Variants in CDH18 observed in about 807,000 individuals in gnomAD.
The protein encoded by CDH18 is cadherin 18.
A neutral mutation model predicts 67.9 loss-of-function variants in CDH18; 31 were observed. The observed-to-expected ratio is 0.46, with a 90% CI of 0.34 to 0.62. The LOEUF is 0.62. Ranked by LOEUF, CDH18 falls within the 20% of genes least tolerant of loss-of-function variation. The pLI is 0.01. For synonymous variants in CDH18, 362 were observed against 347.2 expected, an observed-to-expected ratio of 1.04 and a Z score of -0.48; for missense variants, 890 against 975.5, an observed-to-expected ratio of 0.91 and a Z score of 1.17.
chr5:19,957,116 C>G (rs937117839), intron 2 of CDH18, among the ~76,000 whole-genome samples: 1 of 151,846 alleles, frequency 6.6e-6, no homozygotes, highest in African/African-American at 2.4e-5. Context: ...GTATGTTTCA[C>G]GTCCCATAGA....
At chr5:20,559,688 G>T (rs1462338330) in intron 1 of CDH18, among the ~76,000 whole-genome samples, 2 of 151,956 alleles carry the variant, frequency 1.3e-5, no homozygotes, top group Non-Finnish European at 2.9e-5. Flanking sequence ...GAAATGTGAA[G>T]AATATTGAAG....
intron 8 of CDH18, among the ~76,000 whole-genome samples, chr5:19,553,266 T>G (rs1737786901): frequency 6.6e-6 from 1 of 152,144 alleles, no homozygotes; most frequent in Non-Finnish European, 1.5e-5. Flanking sequence ...GGCACTTATT[T>G]TCATTATATT....
intron 5 of CDH18, among the ~76,000 whole-genome samples, chr5:19,699,648 G>C (rs941457415): frequency 7.3e-5 from 11 of 149,804 alleles, no homozygotes; most frequent in Admixed American, 2.0e-4. Flanking sequence ...GTGTCTGTGT[G>C]TGTGTGTGTG....
intron 2 of CDH18, among the ~76,000 whole-genome samples, chr5:20,095,969 T>TA (rs776951457): frequency 2.0e-5 from 3 of 151,080 alleles, no homozygotes; most frequent in Admixed American, 6.6e-5. Context: ...ATATTCAGAC[T>TA]AAAAAAAAGG....
Position 19,700,514 on chromosome 5 carries a change from A to T in CDH18, c.643+20833T>A, listed in dbSNP as rs991119174. 2.6e-5 allele frequency among the ~76,000 whole-genome samples: 4 copies of T among 152,116 alleles called. No individual in the cohort carries two copies. In the East Asian group the frequency reaches 7.7e-4, roughly 29 times the overall value. The stretch of plus-strand genomic sequence containing the variant: ...TTTTGTTTAAGTTATTTAAATGGTT[A>T]TTACCTTTTCCTTTAATTTCTGGGG... On this transcript the variant is annotated intron_variant, in intron 5 of 12. Coordinates refer to ENST00000382275, the MANE Select transcript of CDH18 (RefSeq NM_004934.5).
intron 2 of CDH18, among the ~76,000 whole-genome samples, chr5:20,250,271 A>C (rs1319841754): frequency 4.1e-5 from 5 of 121,494 alleles, no homozygotes; most frequent in Non-Finnish European, 8.6e-5. Context: ...TTGGAGTCTG[A>C]CAATTTTATT....
chr5:19,794,325 CAATT>C (rs577539642), intron 3 of CDH18, among the ~76,000 whole-genome samples: 10 of 152,074 alleles, frequency 6.6e-5, no homozygotes, highest in Non-Finnish European at 1.3e-4. Context: ...TCCATACAAT[CAATT>C]GAGAGACCAA....
At chr5:19,658,656 C>A (rs1756738011) in intron 5 of CDH18, among the ~76,000 whole-genome samples, 1 of 145,368 alleles carries the variant, frequency 6.9e-6, no homozygotes, top group Admixed American at 6.9e-5. Flanking sequence ...TTCTTTTTTT[C>A]TTTTTTTTTT....
At chr5:20,545,123 A>C (rs912371182) in intron 1 of CDH18, among the ~76,000 whole-genome samples, 1 of 152,212 alleles carries the variant, frequency 6.6e-6, no homozygotes, top group Non-Finnish European at 1.5e-5. Flanking sequence ...CATGTCTCAC[A>C]TCCAGGAAAT....
At chr5:20,174,135 C>A (rs1222272144) in intron 2 of CDH18, among the ~76,000 whole-genome samples, 2 of 152,140 alleles carry the variant, frequency 1.3e-5, no homozygotes. Flanking sequence ...GAACTCCTAT[C>A]TGTTCTTTTT....
chr5:19,849,823 C>T (rs1017066853), intron 2 of CDH18, among the ~76,000 whole-genome samples: 8 of 150,192 alleles, frequency 5.3e-5, no homozygotes, highest in Non-Finnish European at 8.9e-5. Flanking sequence ...CACACAGAGG[C>T]ACTCTATATT....
chr5:20,571,612 G>A (rs751942162), intron 1 of CDH18, among the ~76,000 whole-genome samples: 1 of 151,974 alleles, frequency 6.6e-6, no homozygotes, highest in Non-Finnish European at 1.5e-5. Flanking sequence ...CAATTATCAA[G>A]GTATGTAAAT....
chr5:20,360,281 G>A (rs1198134397), intron 1 of CDH18, among the ~76,000 whole-genome samples: 1 of 151,948 alleles, frequency 6.6e-6, no homozygotes, highest in East Asian at 1.9e-4. Flanking sequence ...TAGCTAAGTT[G>A]CTTCTCTAAA....
At chr5:20,360,874 A>G (rs1385475740) in intron 1 of CDH18, among the ~76,000 whole-genome samples, 2 of 152,052 alleles carry the variant, frequency 1.3e-5, no homozygotes, top group Non-Finnish European at 2.9e-5. Flanking sequence ...CAAAGATATG[A>G]TTTACCTCCT....
Position 19,994,853 on chromosome 5 carries a change from T to TAGAGAGAGAGAGAG in CDH18, c.-517-2840_-517-2839insCTCTCTCTCTCTCT, listed in dbSNP as rs776078908. 4.7e-4 allele frequency among the ~76,000 whole-genome samples: 25 copies of TAGAGAGAGAGAGAG among 53,210 alleles called. 4 individuals are homozygous for TAGAGAGAGAGAGAG. Among genetic ancestry groups the TAGAGAGAGAGAGAG allele is most frequent in the East Asian group, 3.0e-3 (4 of 1,314 alleles). 34.9% of individuals were successfully genotyped at this position (53,210 alleles called of 152,430 possible). A position where few individuals can be genotyped will look rare whatever the true frequency, so the allele number is the denominator to read the frequency against. ...GAATATATATATATATATATATATA[T>TAGAGAGAGAGAGAG]ATAGAGAGAGAGAGAGAGAGAGAGA... On this transcript the variant is annotated intron_variant, in intron 2 of 14. Coordinates refer to the CDH18 transcript ENST00000507958.
In CDH18 at chr5:19,978,586, A is replaced by C. The variant is rs76938195; in HGVS notation, c.-257+2474T>G. Among the ~76,000 whole-genome samples the C allele has an allele frequency of 9.7e-3, 1,482 of 152,268 alleles. 33 individuals are homozygous for C. Among genetic ancestry groups the C allele is most frequent in the African/African-American group, 0.034 (1,404 of 41,548 alleles). On this transcript the variant is annotated intron_variant, in intron 2 of 12. Transcript: ENST00000382275. ...CTCTGTTGGTAAGAAGTCTGACATA[A>C]GTCTCAACTGAGCTAAAATCAAAGT...
At chr5:19,839,706 G>A (rs1164698317) in intron 2 of CDH18, among the ~76,000 whole-genome samples, 1 of 152,134 alleles carries the variant, frequency 6.6e-6, no homozygotes, top group Non-Finnish European at 1.5e-5. Context: ...CAGGTTTGGG[G>A]AACAGATTGG....
intron 1 of CDH18, among the ~76,000 whole-genome samples, chr5:20,482,490 A>G (rs1752881759): frequency 6.6e-6 from 1 of 152,008 alleles, no homozygotes; most frequent in Non-Finnish European, 1.5e-5. Flanking sequence ...AAAAAGGCCA[A>G]TATTCTTGCT....
chr5:20,019,279 C>T (rs960096910), intron 2 of CDH18, among the ~76,000 whole-genome samples: 4 of 152,280 alleles, frequency 2.6e-5, no homozygotes, highest in South Asian at 4.1e-4. Flanking sequence ...GAAATGTTTG[C>T]TTACAGTTGA....
Sources: gnomAD v4.1 joint callset for allele counts (sites outside exome capture counted in the v4.1 genomes callset) on GRCh38, gnomAD v4.1.1 for gene constraint, MANE v1.5 for transcripts, NCBI Gene and HGNC (gene_info 2026-07-23, HGNC 2026-07-21) for gene names.